PARD3: variants seen among roughly 807,000 people sequenced by gnomAD.
The protein encoded by PARD3 is par-3 family cell polarity regulator, also known as partitioning defective 3 homolog.
Under a neutral mutation model 155.4 loss-of-function variants are expected in PARD3, and 75 were observed. The ratio of observed to expected loss-of-function variants is 0.48; its 90% CI spans 0.40 to 0.58. The LOEUF (loss-of-function observed/expected upper bound fraction) is 0.58, where lower values mean the gene tolerates loss of function less well. Among genes scored for constraint, PARD3 ranks in the 20% least tolerant of loss-of-function variants. PARD3 has a pLI of 0.00. For synonymous variants in PARD3, 576 were observed against 610.5 expected (o/e 0.94, Z 0.83); for missense variants, 1,642 against 1,721.7 (o/e 0.95, Z 0.82).
intron 3 of PARD3, among the ~76,000 whole-genome samples, chr10:34,510,577 A>G (rs576336494): frequency 2.0e-5 from 3 of 152,232 alleles, no homozygotes; most frequent in Non-Finnish European, 4.4e-5. Flanking sequence ...TCAAGCCTAA[A>G]AAAGATTAGG....
chr10:34,410,617 T>C (rs548770518), intron 5 of PARD3, among the ~76,000 whole-genome samples: 6 of 152,356 alleles, frequency 3.9e-5, no homozygotes, highest in African/African-American at 1.2e-4. Flanking sequence ...ACCGAGCCAA[T>C]TGATATCATT....
chr10:34,666,791 A>AAAAAAAAAT lies in PARD3; in HGVS notation c.222+29526_222+29527insATTTTTTTT, dbSNP rs1271686270. Among the ~76,000 whole-genome samples the AAAAAAAAAT allele has an allele frequency of 4.9e-5, 5 of 102,074 alleles. 1 individual carries two copies. Among genetic ancestry groups the AAAAAAAAAT allele is most frequent in the Non-Finnish European group, 9.5e-5 (5 of 52,800 alleles). The allele number at this position is 102,074 out of a possible 152,430, so 67.0% of individuals were successfully genotyped here. ...ACCCCTCCCCCTAAAAAAAAAAAAA[A>AAAAAAAAAT]AAAAAATATATATATATATATATAT... is the stretch of plus-strand genomic sequence containing the variant. On this transcript the variant is annotated intron_variant, in intron 2 of 24. Coordinates refer to ENST00000374788, the MANE Select transcript of PARD3 (RefSeq NM_001184785.2).
intron 22 of PARD3, among the ~76,000 whole-genome samples, chr10:34,259,907 A>C (rs915837266): frequency 3.9e-5 from 6 of 152,160 alleles, no homozygotes; most frequent in South Asian, 2.1e-4. Context: ...TTGGTACAAC[A>C]ACCATAGCTC....
chr10:34,278,496 G>GT (rs1351227097), intron 21 of PARD3, among the ~76,000 whole-genome samples: 1 of 152,040 alleles, frequency 6.6e-6, no homozygotes, highest in Non-Finnish European at 1.5e-5. Context: ...TAATCCCCAC[G>GT]TGTCATGGGA....
In PARD3 at chr10:34,110,245, A is replaced by T. The variant is rs1184156978; in HGVS notation, c.*924T>A. 6.6e-6 allele frequency: 1 copy of T among 152,256 alleles called. No individual in the cohort carries two copies. The highest frequency in any genetic ancestry group is 2.4e-5 in the African/African-American group (1 of 41,462). 9.4% of individuals were successfully genotyped at this position (152,256 alleles called of 1,614,324 possible). A position where few individuals can be genotyped will look rare whatever the true frequency, so the allele number is the denominator to read the frequency against. On this transcript the variant is annotated 3_prime_UTR_variant, in exon 25 of 25. Coordinates refer to ENST00000374788, the MANE Select transcript of PARD3 (RefSeq NM_001184785.2). ...GCAGATCAAAATGACTGTCTGGTTT[A>T]TCTCTGTCCCATTCTGTGCCCTTCC...
chr10:34,116,388 T>C (rs930059977), intron 24 of PARD3, among the ~76,000 whole-genome samples: 1 of 152,024 alleles, frequency 6.6e-6, no homozygotes, highest in African/African-American at 2.4e-5. Flanking sequence ...GACAAAACTC[T>C]GTTAATTGTC....
Position 34,798,162 on chromosome 10 carries a change from G to GA in PARD3, c.120+16713dup, listed in dbSNP as rs11340214. Reference sequence around the variant, plus strand: ...TAGCAAGAACCCATCTCTACAAAAAGAAAAAAAAAATGCTTAATGAGCTGG... The same window carrying GA: ...TAGCAAGAACCCATCTCTACAAAAAGAAAAAAAAAAATGCTTAATGAGCTGG... On this transcript the variant is annotated intron_variant, in intron 1 of 24. Coordinates refer to ENST00000374788, the MANE Select transcript of PARD3 (RefSeq NM_001184785.2). 4.4e-3 allele frequency among the ~76,000 whole-genome samples: 652 copies of GA among 149,214 alleles called. 2 individuals are homozygous for GA. Among genetic ancestry groups the GA allele is most frequent in the African/African-American group, 0.011 (452 of 40,854 alleles).
At position 34,117,422 on chromosome 10, in the gene PARD3, A is replaced by C. The variant is rs138659660; in HGVS notation, c.3668+2191T>G. 4.0e-3 allele frequency among the ~76,000 whole-genome samples: 598 copies of C among 149,716 alleles called. 2 individuals carry two copies. Among genetic ancestry groups the C allele is most frequent in the Middle Eastern group, 0.024 (7 of 294 alleles). ...CTCACCCTTCCGATGGAATGCAGCC[A>C]CACAGACTGGAGGGCAGTGGGGAGG... is the stretch of plus-strand genomic sequence containing the variant. On this transcript the variant is annotated intron_variant, in intron 24 of 24. Transcript: ENST00000374788.
chr10:34,683,538 G>A (rs1026073064), intron 2 of PARD3, among the ~76,000 whole-genome samples: 1 of 149,714 alleles, frequency 6.7e-6, no homozygotes, highest in Non-Finnish European at 1.5e-5. Context: ...CCCACCATAC[G>A]AGATGCCAGG....
intron 10 of PARD3, among the ~76,000 whole-genome samples, chr10:34,377,660 C>T (rs1338138146): frequency 1.3e-5 from 2 of 151,908 alleles, no homozygotes; most frequent in South Asian, 2.1e-4. Context: ...GAGCTGGGCA[C>T]GATGGCTCAC....
intron 24 of PARD3, among the ~76,000 whole-genome samples, chr10:34,116,178 T>G (rs1946660285): frequency 6.6e-6 from 1 of 152,238 alleles, no homozygotes; most frequent in South Asian, 2.1e-4. Flanking sequence ...TAACTTGATT[T>G]CTGTCCATAG....
intron 1 of PARD3, among the ~76,000 whole-genome samples, chr10:34,760,382 A>T (rs1376430716): frequency 6.6e-6 from 1 of 152,066 alleles, no homozygotes; most frequent in Non-Finnish European, 1.5e-5. Context: ...CCCAGGCTGG[A>T]GTGCAGTGGT....
intron 14 of PARD3, among the ~76,000 whole-genome samples, chr10:34,355,938 A>C (rs868459158): frequency 2.3e-4 from 31 of 132,578 alleles, no homozygotes; most frequent in African/African-American, 1.5e-4. Flanking sequence ...AAAAAAAAAA[A>C]AAAAAAAACA....
rs1030175413 is a variant in PARD3 at position 34,480,104 on chromosome 10, C to G, written c.404-9841G>C. On this transcript the variant is annotated intron_variant, in intron 3 of 24. Coordinates refer to ENST00000374788, the MANE Select transcript of PARD3 (RefSeq NM_001184785.2). The stretch of plus-strand genomic sequence containing the variant: ...CAAGGCAGACGGCATAGAGCCTGGA[C>G]AGTCAGTGTGAGGGGCTGGCCTCTT... 2.0e-5 allele frequency among the ~76,000 whole-genome samples: 3 copies of G among 152,242 alleles called. No individual in the cohort carries two copies. In the East Asian group the frequency reaches 5.8e-4, roughly 29 times the overall value.
intron 2 of PARD3, among the ~76,000 whole-genome samples, chr10:34,525,893 C>T (rs2082441543): frequency 6.6e-6 from 1 of 151,478 alleles, no homozygotes; most frequent in African/African-American, 2.4e-5. Flanking sequence ...CCATCCTGGC[C>T]AACATGGTGA....
intron 22 of PARD3, among the ~76,000 whole-genome samples, chr10:34,213,374 A>G (rs151011808): frequency 1.3e-5 from 2 of 152,286 alleles, no homozygotes; most frequent in South Asian, 4.1e-4. Context: ...ATTCATGAGG[A>G]TCTGCCTCAG....
chr10:34,467,675 G>T (rs11819369), intron 4 of PARD3, among the ~76,000 whole-genome samples: 11,263 of 152,034 alleles, frequency 0.074, 1,296 homozygotes, highest in African/African-American at 0.25. Context: ...GAACCTGGGA[G>T]GTAGAAGTTG....
rs80261312 is a variant in PARD3 at position 34,594,595 on chromosome 10, A to C, written c.223-77436T>G. On this transcript the variant is annotated intron_variant, in intron 2 of 24. Coordinates refer to ENST00000374788, the MANE Select transcript of PARD3 (RefSeq NM_001184785.2). Reference sequence around the variant, plus strand: ...ACCTGAAAAGTCCTGAAGGTAGAGGAGGACGACAAAAAGAAAATCGGCTTC... The same window carrying C: ...ACCTGAAAAGTCCTGAAGGTAGAGGCGGACGACAAAAAGAAAATCGGCTTC... Among the ~76,000 whole-genome samples, 1,441 of 152,292 alleles carry C rather than the reference A, an allele frequency of 9.5e-3. 26 individuals carry two copies. Among genetic ancestry groups the C allele is most frequent in the African/African-American group, 0.033 (1,363 of 41,556 alleles).
chr10:34,185,637 T>G (rs1950452697), intron 22 of PARD3, among the ~76,000 whole-genome samples: 1 of 151,954 alleles, frequency 6.6e-6, no homozygotes, highest in South Asian at 2.1e-4. Context: ...TTTTTGCCTC[T>G]CATGTTTTAG....
Sources: allele counts gnomAD v4.1 joint callset (sites outside exome capture counted in the v4.1 genomes callset), GRCh38; gene constraint gnomAD v4.1.1; transcripts MANE v1.5; gene names NCBI Gene and HGNC (gene_info 2026-07-23, HGNC 2026-07-21).